The following FAM168A variants were observed in gnomAD, a reference collection of about 807,000 sequenced individuals.
FAM168A encodes the protein family with sequence similarity 168 member A, also known as protein FAM168A.
Under a neutral mutation model 28.5 loss-of-function variants are expected in FAM168A, and 3 were observed. The ratio of observed to expected loss-of-function variants is 0.11; its 90% CI spans 0.05 to 0.27. The LOEUF (loss-of-function observed/expected upper bound fraction) is 0.27. Among genes scored for constraint, FAM168A ranks in the 10% least tolerant of loss-of-function variants. FAM168A has a pLI of 1.00. For synonymous variants in FAM168A, 122 were observed against 124.2 expected (o/e 0.98, Z 0.12); for missense variants, 222 against 311.5 (o/e 0.71, Z 2.16).
intron 1 of FAM168A, among the ~76,000 whole-genome samples, chr11:73,515,054 A>C (rs559960984): frequency 1.3e-5 from 2 of 152,318 alleles, no homozygotes; most frequent in South Asian, 4.1e-4. Context: ...ACCTATCAGT[A>C]GCTCCCCACA....
intron 1 of FAM168A, among the ~76,000 whole-genome samples, chr11:73,559,712 T>C (rs898261969): frequency 5.9e-5 from 9 of 152,224 alleles, no homozygotes; most frequent in African/African-American, 1.9e-4. Flanking sequence ...TAGACAGAGA[T>C]GGTTGTTGCA....
intron 1 of FAM168A, among the ~76,000 whole-genome samples, chr11:73,543,105 T>C (rs779080193): frequency 6.6e-5 from 10 of 152,064 alleles, no homozygotes; most frequent in Admixed American, 1.3e-4. Context: ...TCCTACCCTT[T>C]CAATCACACC....
At chr11:73,451,356 A>C (rs1864886641) in intron 2 of FAM168A, among the ~76,000 whole-genome samples, 1 of 152,210 alleles carries the variant, frequency 6.6e-6, no homozygotes. Context: ...TGCCAGAGAG[A>C]TTTATGGACC....
At chr11:73,444,986 G>T (rs531269717) in intron 2 of FAM168A, among the ~76,000 whole-genome samples, 1 of 152,140 alleles carries the variant, frequency 6.6e-6, no homozygotes, top group Admixed American at 6.5e-5. Flanking sequence ...TTGGCTGGCC[G>T]CGGTGGCTCA....
chr11:73,568,758 G>A (rs941876332), intron 1 of FAM168A, among the ~76,000 whole-genome samples: 15 of 152,072 alleles, frequency 9.9e-5, no homozygotes, highest in African/African-American at 3.1e-4. Context: ...AGCTGGGTAT[G>A]GTGGTGGGCA....
intron 1 of FAM168A, among the ~76,000 whole-genome samples, chr11:73,589,018 A>G (rs1209003167): frequency 6.6e-6 from 1 of 152,080 alleles, no homozygotes; most frequent in Non-Finnish European, 1.5e-5. Flanking sequence ...CTAACCAAAA[A>G]CTAACCATGC....
chr11:73,410,417 G>GAAAAAAA (rs1166275630), intron 5 of FAM168A: 1 of 114,242 alleles, frequency 8.8e-6, no homozygotes, highest in African/African-American at 3.3e-5. Flanking sequence ...CAAGAAAAAA[G>GAAAAAAA]AAAAAAAAAA....
chr11:73,486,184 G>A (rs1401944700), intron 1 of FAM168A, among the ~76,000 whole-genome samples: 4 of 152,108 alleles, frequency 2.6e-5, no homozygotes, highest in Non-Finnish European at 5.9e-5. Flanking sequence ...GGTTTTGCTT[G>A]TTTTGTTGTT....
intron 3 of FAM168A, among the ~76,000 whole-genome samples, chr11:73,422,277 T>C (rs1694463760): frequency 6.6e-6 from 1 of 152,244 alleles, no homozygotes; most frequent in Non-Finnish European, 1.5e-5. Context: ...ACTGATGACA[T>C]GAACTATACT....
intron 2 of FAM168A, among the ~76,000 whole-genome samples, chr11:73,454,171 G>C (rs376638545): frequency 6.6e-6 from 1 of 152,098 alleles, no homozygotes; most frequent in Non-Finnish European, 1.5e-5. Context: ...GGGATTCCAA[G>C]AAGGAACACA....
At position 73,535,301 on chromosome 11, in the gene FAM168A, C is replaced by T. The variant is rs568935932; in HGVS notation, c.-19+62622G>A. Among the ~76,000 whole-genome samples, 3 of 152,182 alleles carry T rather than the reference C, an allele frequency of 2.0e-5. No homozygotes were observed. In the South Asian group the frequency reaches 6.2e-4, roughly 32 times the overall value. ...ATCACACAAGGCTGGAGTTTAGTGG[C>T]ACAATCACAGCTCACTGCAGCCTTA... is the stretch of plus-strand genomic sequence containing the variant. On this transcript the variant is annotated intron_variant, in intron 1 of 7. Transcript: ENST00000356467.
At chr11:73,472,324 G>A (rs1867827194) in intron 1 of FAM168A, among the ~76,000 whole-genome samples, 1 of 152,180 alleles carries the variant, frequency 6.6e-6, no homozygotes. Flanking sequence ...AACTGTCCAA[G>A]TAGAGGAAAC....
chr11:73,543,518 C>A (rs938153984), intron 1 of FAM168A, among the ~76,000 whole-genome samples: 1 of 152,134 alleles, frequency 6.6e-6, no homozygotes, highest in African/African-American at 2.4e-5. Flanking sequence ...ACCTCGGTCT[C>A]CCAAAGTGCT....
chr11:73,407,673 G>GA, intron 6 of FAM168A, 30 bp from the exon 7 acceptor site: 1 of 1,571,258 alleles, frequency 6.4e-7, no homozygotes, highest in Non-Finnish European at 8.7e-7. Flanking sequence ...AGAGTAACCT[G>GA]ACGAGGCTGC....
chr11:73,503,500 G>C (rs1338333435), intron 1 of FAM168A, among the ~76,000 whole-genome samples: 3 of 152,166 alleles, frequency 2.0e-5, no homozygotes, highest in African/African-American at 7.2e-5. Flanking sequence ...GGAAATAAGA[G>C]AGGACACAAA....
chr11:73,445,590 A>C (rs749483520), intron 2 of FAM168A, among the ~76,000 whole-genome samples: 2 of 151,830 alleles, frequency 1.3e-5, no homozygotes, highest in Non-Finnish European at 2.9e-5. Context: ...TGGGCCCTAA[A>C]AATTTAAAGG....
intron 2 of FAM168A, among the ~76,000 whole-genome samples, chr11:73,458,465 A>G (rs1338496390): frequency 6.6e-6 from 1 of 152,222 alleles, no homozygotes; most frequent in African/African-American, 2.4e-5. Flanking sequence ...AGCATCACAC[A>G]CAGTATCTGA....
intron 2 of FAM168A, among the ~76,000 whole-genome samples, chr11:73,455,374 C>A (rs938050185): frequency 1.3e-5 from 2 of 152,250 alleles, no homozygotes; most frequent in African/African-American, 4.8e-5. Flanking sequence ...GTAAATGAGG[C>A]ACCCCTGTCG....
rs575303371 is a variant in FAM168A, at chr11:73,409,552, G to A, written c.530C>T (p.Ala177Val). Residue 177 changes from alanine (A) to valine (V), a missense_variant, in exon 6 of 8, where the codon GCC (alanine) becomes GTC (valine). Ala to Val is a moderately conservative substitution (Grantham distance 64). This residue lies in a region of FAM168A where 64 missense variants were observed against 94.6 expected (regional missense o/e 0.68). Transcript: ENST00000356467. ...GGCCACACCGTTGGTCCTCGGGGCG[G>A]CAACAGGTGCTGGGTAGATAGCAGA... ...IPSAIYPAPV[A>V]APRTNGVAMG... The A allele has an allele frequency of 6.2e-7, 1 of 1,613,996 alleles. No individual in the cohort carries two copies. The highest frequency in any genetic ancestry group is 1.1e-5 in the South Asian group (1 of 91,012).
Sources: allele counts gnomAD v4.1 joint callset (sites outside exome capture counted in the v4.1 genomes callset), GRCh38; gene constraint gnomAD v4.1.1; regional missense constraint gnomAD v4.1.1; transcripts MANE v1.5; gene names NCBI Gene and HGNC (gene_info 2026-07-23, HGNC 2026-07-21).